Variants in DPP10 observed in about 807,000 individuals in gnomAD.
DPP10 encodes inactive dipeptidyl peptidase 10.
A neutral mutation model predicts 120.9 loss-of-function variants in DPP10; 33 were observed. That is an observed-to-expected ratio of 0.27 (90% CI 0.21 to 0.37). DPP10 has a LOEUF of 0.37. Ranked by LOEUF, DPP10 falls within the 10% of genes least tolerant of loss-of-function variation. The pLI is 1.00. For missense variants in DPP10, 816 were observed against 942.8 expected (o/e 0.87, Z 1.76); for synonymous variants, 337 against 326.1 (o/e 1.03, Z -0.36).
At chr2:115,090,959 T>C (rs1709201756) in intron 1 of DPP10, among the ~76,000 whole-genome samples, 2 of 152,212 alleles carry the variant, frequency 1.3e-5, no homozygotes, top group Non-Finnish European at 2.9e-5. Context: ...ATTAGGCTGA[T>C]ACCGTTTAGA....
At chr2:115,524,708 A>C (rs17044622) in intron 4 of DPP10, among the ~76,000 whole-genome samples, 1,667 of 152,222 alleles carry the variant, frequency 0.011, 37 homozygotes, top group African/African-American at 0.038. Flanking sequence ...TCCTGAAACT[A>C]TAAGCTAACG....
chr2:115,235,344 C>A (rs1421393935), intron 1 of DPP10, among the ~76,000 whole-genome samples: 1 of 152,040 alleles, frequency 6.6e-6, no homozygotes, highest in African/African-American at 2.4e-5. Context: ...AAGTATTTTC[C>A]ATCTGAGTTA....
intron 1 of DPP10, among the ~76,000 whole-genome samples, chr2:114,643,055 TCAAA>T (rs1438251300): frequency 6.6e-6 from 1 of 151,960 alleles, no homozygotes; most frequent in African/African-American, 2.4e-5. Context: ...TAGTATGAAC[TCAAA>T]CAAATTTTTT....
intron 4 of DPP10, among the ~76,000 whole-genome samples, chr2:115,508,467 T>G (rs182869498): frequency 6.6e-6 from 1 of 152,326 alleles, no homozygotes; most frequent in Admixed American, 6.5e-5. Flanking sequence ...ATTTACAATT[T>G]ATGACATAGA....
chr2:115,575,878 C>T (rs149667091), intron 5 of DPP10, among the ~76,000 whole-genome samples: 3 of 152,302 alleles, frequency 2.0e-5, no homozygotes, highest in Admixed American at 6.5e-5. Flanking sequence ...AGCTCAAGAA[C>T]GTGAGCACCC....
intron 1 of DPP10, among the ~76,000 whole-genome samples, chr2:115,242,204 C>A (rs1433652092): frequency 6.6e-6 from 1 of 152,136 alleles, no homozygotes; most frequent in Non-Finnish European, 1.5e-5. Flanking sequence ...ATTCTTATGT[C>A]TTTGCATCCT....
chr2:115,323,460 C>A (rs1163163944), intron 2 of DPP10, among the ~76,000 whole-genome samples: 1 of 152,182 alleles, frequency 6.6e-6, no homozygotes, highest in Non-Finnish European at 1.5e-5. Context: ...CAGCTTCTTC[C>A]AAACTCCTGT....
intron 1 of DPP10, among the ~76,000 whole-genome samples, chr2:114,455,746 C>G (rs1678547976): frequency 8.5e-6 from 1 of 118,322 alleles, no homozygotes; most frequent in Non-Finnish European, 1.8e-5. Flanking sequence ...TTTTTTTTTA[C>G]CATTTTCATG....
At chr2:114,474,119 G>C (rs770387936) in intron 1 of DPP10, among the ~76,000 whole-genome samples, 3 of 152,018 alleles carry the variant, frequency 2.0e-5, no homozygotes, top group African/African-American at 7.2e-5. Context: ...CACCAGGCCC[G>C]GCTAATATTT....
chr2:115,027,337 G>A (rs569301232), intron 1 of DPP10, among the ~76,000 whole-genome samples: 1 of 151,962 alleles, frequency 6.6e-6, no homozygotes, highest in Admixed American at 6.6e-5. Flanking sequence ...TCTTTCTCTT[G>A]CCTAATTGGT....
intron 21 of DPP10, among the ~76,000 whole-genome samples, chr2:115,828,541 AT>A (rs147407620): frequency 1.0e-4 from 15 of 150,070 alleles, no homozygotes; most frequent in Middle Eastern, 3.5e-3. Context: ...ATGCTGTTCA[AT>A]TTTTTTTTTA....
At chr2:114,696,962 A>C (rs1700104417) in intron 1 of DPP10, among the ~76,000 whole-genome samples, 1 of 152,082 alleles carries the variant, frequency 6.6e-6, no homozygotes, top group Non-Finnish European at 1.5e-5. Flanking sequence ...GATTTGAAGG[A>C]TCAAGTGAGA....
intron 1 of DPP10, among the ~76,000 whole-genome samples, chr2:114,825,652 A>G (rs1262295295): frequency 5.3e-5 from 8 of 152,210 alleles, no homozygotes; most frequent in African/African-American, 1.7e-4. Flanking sequence ...TATGAATTTT[A>G]TGTTCCCCCC....
intron 1 of DPP10, among the ~76,000 whole-genome samples, chr2:115,283,344 C>T (rs2060237425): frequency 1.3e-5 from 2 of 152,018 alleles, no homozygotes; most frequent in African/African-American, 4.8e-5. Flanking sequence ...TTGTGTTTTT[C>T]TATGCACAAC....
At chr2:114,726,827 G>GA (rs1352189082) in intron 1 of DPP10, among the ~76,000 whole-genome samples, 2 of 152,196 alleles carry the variant, frequency 1.3e-5, no homozygotes, top group Admixed American at 1.3e-4. Context: ...ATATTTCATA[G>GA]AAAGTTGTGC....
chr2:114,908,111 T>A (rs1694107415), intron 1 of DPP10, among the ~76,000 whole-genome samples: 1 of 152,020 alleles, frequency 6.6e-6, no homozygotes, highest in Non-Finnish European at 1.5e-5. Context: ...TCATCTGAAG[T>A]TAATGTAGGC....
At chr2:115,217,460 G>A (rs2056899932) in intron 1 of DPP10, among the ~76,000 whole-genome samples, 1 of 152,102 alleles carries the variant, frequency 6.6e-6, no homozygotes, top group African/African-American at 2.4e-5. Context: ...TTTGCTTCAT[G>A]GCTTTACTTC....
At chr2:115,470,499 G>A (rs1323478966) in intron 3 of DPP10, among the ~76,000 whole-genome samples, 1 of 152,064 alleles carries the variant, frequency 6.6e-6, no homozygotes, top group Admixed American at 6.6e-5. Context: ...CTCTCATTGG[G>A]CACTGGTTGA....
At chr2:114,881,510 GTCTA>G (rs1013353940) in intron 1 of DPP10, among the ~76,000 whole-genome samples, 3 of 129,200 alleles carry the variant, frequency 2.3e-5, no homozygotes, top group African/African-American at 8.4e-5. Flanking sequence ...CTGTCTGTCT[GTCTA>G]TCTATCTATC....
Sources: allele counts gnomAD v4.1 joint callset (sites outside exome capture counted in the v4.1 genomes callset), GRCh38; gene constraint gnomAD v4.1.1; transcripts MANE v1.5; gene names NCBI Gene and HGNC (gene_info 2026-07-23, HGNC 2026-07-21).